DPP9: variants seen among roughly 807,000 people sequenced by gnomAD.
The protein encoded by DPP9 is dipeptidyl peptidase 9.
A neutral mutation model predicts 110.7 loss-of-function variants in DPP9; 50 were observed. The ratio of observed to expected loss-of-function variants is 0.45; its 90% CI spans 0.36 to 0.57. The LOEUF is 0.57. DPP9 is among the 20% of genes least tolerant of loss of function. The pLI is 0.00. For missense variants in DPP9, 1,022 were observed against 1,217.9 expected, an observed-to-expected ratio of 0.84 and a Z score of 2.39; for synonymous variants, 561 against 514.4, an observed-to-expected ratio of 1.09 and a Z score of -1.23.
At position 4,685,821 on chromosome 19, in the gene DPP9, C is replaced by A. The variant is rs1448353856; in HGVS notation, c.1886-50G>T. 6.3e-7 allele frequency: 1 copy of A among 1,596,312 alleles called. No individual in the cohort carries two copies. The highest frequency in any genetic ancestry group is 8.5e-7 in the Non-Finnish European group (1 of 1,172,454). ...GGCTGCCCGGGGAAGCCACATCCAGCTGACACCCTTGTTCTCCTGCCCACC... is the reference window on the plus strand; with the variant it reads ...GGCTGCCCGGGGAAGCCACATCCAGATGACACCCTTGTTCTCCTGCCCACC... On this transcript the variant is annotated intron_variant, in intron 16 of 21. Coordinates refer to ENST00000262960, the MANE Select transcript of DPP9 (RefSeq NM_139159.5). This position sits in a 1 kb window ranked among gnomAD's most constrained non-coding sequence, Gnocchi z 5.8.
intron 13 of DPP9, among the ~76,000 whole-genome samples, chr19:4,692,667 A>G (rs1308762711): frequency 6.6e-6 from 1 of 151,938 alleles, no homozygotes; most frequent in Non-Finnish European, 1.5e-5. Context: ...GCCCCTGGAG[A>G]GTGGCAGCTG....
chr19:4,722,350 A>G (rs958089281), intron 2 of DPP9, 149 bp downstream of exon 2: 26 of 582,118 alleles, frequency 4.5e-5, no homozygotes, highest in Non-Finnish European at 6.7e-5. Flanking sequence ...GCAGGCGCAC[A>G]AAAAACTGCA....
chr19:4,709,683 T>A (rs891098382), intron 4 of DPP9, among the ~76,000 whole-genome samples: 1 of 152,158 alleles, frequency 6.6e-6, no homozygotes, highest in Non-Finnish European at 1.5e-5. Flanking sequence ...GAGTGAATGT[T>A]CTAGAAGTAG....
At position 4,676,513 on chromosome 19, in the gene DPP9, C is replaced by T. The variant is rs1046862085; in HGVS notation, c.*51G>A. 2.4e-5 allele frequency: 36 copies of T among 1,497,078 alleles called. No homozygotes were observed. In the Admixed American group the frequency reaches 6.2e-4, roughly 26 times the overall value. 92.7% of individuals were successfully genotyped at this position (1,497,078 alleles called of 1,614,324 possible). A position where few individuals can be genotyped will look rare whatever the true frequency, so the allele number is the denominator to read the frequency against. On this transcript the variant is annotated 3_prime_UTR_variant, in exon 22 of 22. Coordinates refer to ENST00000262960, the MANE Select transcript of DPP9 (RefSeq NM_139159.5). The surrounding 1 kb of genome is among the most constrained non-coding windows in gnomAD (Gnocchi z 4.0). ...TCAGTCCCTCCCGCCTGGTTCCCCG[C>T]GGAGGCTGCAGCCACTTGTGCTGTG...
intron 3 of DPP9, among the ~76,000 whole-genome samples, chr19:4,714,730 C>T (rs899683336): frequency 1.8e-4 from 27 of 151,992 alleles, no homozygotes; most frequent in Non-Finnish European, 3.8e-4. Flanking sequence ...CCAGGATGTT[C>T]CACATCCACT....
At chr19:4,703,741 G>A (rs569506310) in intron 7 of DPP9, 145 bp downstream of exon 7, 58 of 795,678 alleles carry the variant, frequency 7.3e-5, no homozygotes, top group Non-Finnish European at 1.1e-4. Flanking sequence ...CCTCCCGGGA[G>A]ACATGGTAGG....
In DPP9 at chr19:4,693,320, C is replaced by T. The variant is rs1355554982; in HGVS notation, c.1516+1341G>A. On this transcript the variant is annotated intron_variant, in intron 13 of 21. Coordinates refer to ENST00000262960, the MANE Select transcript of DPP9 (RefSeq NM_139159.5). This position sits in a 1 kb window ranked among gnomAD's most constrained non-coding sequence, Gnocchi z 5.0. The stretch of plus-strand genomic sequence containing the variant: ...GACCCTTGGGAGCTCTGTCCCATCC[C>T]GAGGCTGACACTGTCAGTGTGCAAG... Among the ~76,000 whole-genome samples the T allele has an allele frequency of 2.6e-5, 4 of 152,096 alleles. No homozygotes were observed. The highest frequency in any genetic ancestry group is 6.6e-5 in the Admixed American group (1 of 15,262).
intron 18 of DPP9, 29 bp from the exon 19 acceptor site, chr19:4,683,658 T>A (rs763789257): frequency 1.2e-5 from 19 of 1,613,064 alleles, no homozygotes; most frequent in Non-Finnish European, 1.6e-5. Context: ...CACCTCTCAG[T>A]GGCCTCCTCC....
rs989876862 is a variant in DPP9 at position 4,718,261 on chromosome 19, G to A, written c.56+1590C>T. Among the ~76,000 whole-genome samples, 1 of 152,284 alleles carries A rather than the reference G, an allele frequency of 6.6e-6. No individual in the cohort carries two copies. The highest frequency in any genetic ancestry group is 1.5e-5 in the Non-Finnish European group (1 of 68,026). On this transcript the variant is annotated intron_variant, in intron 3 of 21. Coordinates refer to ENST00000262960, the MANE Select transcript of DPP9 (RefSeq NM_139159.5). The surrounding 1 kb of genome is among the most constrained non-coding windows in gnomAD (Gnocchi z 4.3). ...TGTCTGTGTCTGAGCTGGTGCTTTG[G>A]TGGCGAGCGGGGGCGGGGGAGTAGT...
chr19:4,723,144 T>C (rs1470794177), intron 1 of DPP9, among the ~76,000 whole-genome samples: 1 of 151,846 alleles, frequency 6.6e-6, no homozygotes, highest in Admixed American at 6.6e-5. Context: ...TCAAGTAGGG[T>C]TGAGGATCAG....
chr19:4,678,657 A>G (rs1404369260), intron 21 of DPP9, among the ~76,000 whole-genome samples: 1 of 151,946 alleles, frequency 6.6e-6, no homozygotes, highest in African/African-American at 2.4e-5. Flanking sequence ...GGCACCGCCA[A>G]GAGATCAGCT....
At chr19:4,717,967 T>G (rs2093156075) in intron 3 of DPP9, 1 of 152,386 alleles carries the variant, frequency 6.6e-6, no homozygotes, top group Non-Finnish European at 1.5e-5. Flanking sequence ...TACCTACTCC[T>G]TCCTTCGGCC....
At chr19:4,707,309 G>A (rs1447309924) in intron 4 of DPP9, among the ~76,000 whole-genome samples, 1 of 152,132 alleles carries the variant, frequency 6.6e-6, no homozygotes. Flanking sequence ...TTTCCAAATG[G>A]TCATGTCTTA....
chr19:4,691,959 C>T (rs950298724), intron 13 of DPP9, among the ~76,000 whole-genome samples: 2 of 151,874 alleles, frequency 1.3e-5, no homozygotes, highest in African/African-American at 2.4e-5. Flanking sequence ...ATTACAGGCA[C>T]GAGCCACTGC....
intron 14 of DPP9, among the ~76,000 whole-genome samples, chr19:4,690,244 C>T (rs1210608688): frequency 3.9e-5 from 6 of 152,222 alleles, no homozygotes; most frequent in Admixed American, 3.9e-4. Flanking sequence ...CCTCCTTCAC[C>T]TGTGCTGGGA....
chr19:4,701,570 C>T (rs2092260092), intron 9 of DPP9, among the ~76,000 whole-genome samples: 1 of 152,204 alleles, frequency 6.6e-6, no homozygotes, highest in South Asian at 2.1e-4. Context: ...CGTTCTGAGA[C>T]GGTTAAGAAA....
rs1281939298 is a variant in DPP9, at chr19:4,684,064, C to T, written c.2179-435G>A. 5 of 361,634 alleles carry T rather than the reference C, an allele frequency of 1.4e-5. No individual in the cohort carries two copies. The highest frequency in any genetic ancestry group is 2.2e-5 in the Non-Finnish European group (4 of 184,700). 22.4% of individuals were successfully genotyped at this position (361,634 alleles called of 1,614,324 possible). A position where few individuals can be genotyped will look rare whatever the true frequency, so the allele number is the denominator to read the frequency against. ...CTGCCACGATTTCAATGCTGGTGTC[C>T]CCTCTGAAGTCCGTGCTGAGATCAC... On this transcript the variant is annotated intron_variant, in intron 18 of 21. Coordinates refer to ENST00000262960, the MANE Select transcript of DPP9 (RefSeq NM_139159.5). This position sits in a 1 kb window ranked among gnomAD's most constrained non-coding sequence, Gnocchi z 4.8.
rs950586379 is a variant in DPP9 at position 4,700,426 on chromosome 19, C to A, written c.1013-149G>T. ...CAGGAGAAGCCAGGTGTCCCACGGT[C>A]TGTCTGTAGGCACATCGTCCTGCTG... is the stretch of plus-strand genomic sequence containing the variant. On this transcript the variant is annotated intron_variant, in intron 9 of 21. Coordinates refer to ENST00000262960, the MANE Select transcript of DPP9 (RefSeq NM_139159.5). This position sits in a 1 kb window ranked among gnomAD's most constrained non-coding sequence, Gnocchi z 4.3. The A allele has an allele frequency of 4.4e-5, 24 of 543,004 alleles. No individual in the cohort carries two copies. In the South Asian group the frequency reaches 6.6e-4, roughly 15 times the overall value. The allele number at this position is 543,004 out of a possible 1,614,324, so 33.6% of individuals were successfully genotyped here.
chr19:4,722,668 C>T, intron 1 of DPP9, 117 bp from the exon 2 acceptor site: 2 of 669,542 alleles, frequency 3.0e-6, no homozygotes, highest in Non-Finnish European at 5.4e-6. Context: ...TGGCTAGATT[C>T]TAGCTCTGCC....
Sources: allele counts gnomAD v4.1 joint callset (sites outside exome capture counted in the v4.1 genomes callset), GRCh38; gene constraint gnomAD v4.1.1; non-coding constraint Gnocchi (gnomAD v3.1); transcripts MANE v1.5; gene names NCBI Gene and HGNC (gene_info 2026-07-23, HGNC 2026-07-21).